The following TOM1L1 variants were observed in gnomAD, a reference collection of about 807,000 sequenced individuals.
TOM1L1 encodes the protein target of myb1 like 1 membrane trafficking protein, also known as TOM1-like protein 1.
A neutral mutation model predicts 63.4 loss-of-function variants in TOM1L1; 64 were observed. The ratio of observed to expected loss-of-function variants is 1.01; its 90% CI spans 0.83 to 1.24. The LOEUF is 1.24. TOM1L1 is among the 50% of genes most tolerant of loss of function. The probability of loss-of-function intolerance (pLI) is 0.00; values close to 1 mark genes in which losing one functional copy is unlikely to be tolerated. For missense variants in TOM1L1, 536 were observed against 567.0 expected (o/e 0.95, Z 0.55); for synonymous variants, 166 against 194.4 (o/e 0.85, Z 1.22).
chr17:54,935,860 T>C (rs1056382766), intron 8 of TOM1L1, among the ~76,000 whole-genome samples: 56 of 152,168 alleles, frequency 3.7e-4, no homozygotes, highest in Non-Finnish European at 7.8e-4. Context: ...CGGTGGCTCA[T>C]GCCTGTAATC....
At chr17:54,960,429 C>A in intron 14 of TOM1L1, 137 bp from the exon 15 acceptor site, 1 of 658,060 alleles carries the variant, frequency 1.5e-6, no homozygotes, top group South Asian at 1.8e-5. Flanking sequence ...CACTTCAGGG[C>A]AGAGACTTAT....
chr17:54,961,855 T>TC lies in TOM1L1; in HGVS notation c.*623dup. 1 of 968,204 alleles carries TC rather than the reference T, an allele frequency of 1.0e-6. No homozygotes were observed. Among genetic ancestry groups the TC allele is most frequent in the Non-Finnish European group, 1.2e-6 (1 of 814,164 alleles). The allele number at this position is 968,204 out of a possible 1,614,324, so 60.0% of individuals were successfully genotyped here. On this transcript the variant is annotated 3_prime_UTR_variant, in exon 16 of 16. Transcript: ENST00000575882. Reference sequence around the variant, plus strand: ...TTTGTAATGCTAAATAGCCTTTTTTTCTCTTTTTACTGCAACTTAATATTT... The same window carrying TC: ...TTTGTAATGCTAAATAGCCTTTTTTTCCTCTTTTTACTGCAACTTAATATTT...
chr17:54,926,664 A>C (rs1316033336), intron 7 of TOM1L1, among the ~76,000 whole-genome samples: 1 of 152,106 alleles, frequency 6.6e-6, no homozygotes, highest in Non-Finnish European at 1.5e-5. Flanking sequence ...AATCCTGAGA[A>C]TAGGAAAAAG....
chr17:54,915,114 T>G (rs1443205863), intron 6 of TOM1L1, among the ~76,000 whole-genome samples: 1 of 152,238 alleles, frequency 6.6e-6, no homozygotes, highest in Non-Finnish European at 1.5e-5. Context: ...CTTGTATTTA[T>G]TATGCCAACT....
chr17:54,939,921 T>C (rs1344709581), intron 11 of TOM1L1, among the ~76,000 whole-genome samples: 2 of 152,180 alleles, frequency 1.3e-5, no homozygotes, highest in Non-Finnish European at 2.9e-5. Context: ...AACTAGAACT[T>C]GCCCAAGTTT....
chr17:54,927,029 A>G (rs1368165154), intron 7 of TOM1L1, among the ~76,000 whole-genome samples: 2 of 152,228 alleles, frequency 1.3e-5, no homozygotes, highest in Non-Finnish European at 2.9e-5. Context: ...TGGAAAGAAG[A>G]GTTGGAAGGA....
chr17:54,939,121 C>G, intron 11 of TOM1L1, 101 bp downstream of exon 11: 1 of 782,858 alleles, frequency 1.3e-6, no homozygotes, highest in Middle Eastern at 2.4e-4. Context: ...CATCTGTAAT[C>G]CTAGCACTTT....
chr17:54,929,688 A>G (rs983065878), intron 7 of TOM1L1, among the ~76,000 whole-genome samples: 2 of 151,908 alleles, frequency 1.3e-5, no homozygotes, highest in Non-Finnish European at 2.9e-5. Context: ...TAGATGTGGC[A>G]AGGGGTATAA....
rs574596132 is a variant in TOM1L1, at chr17:54,933,926, G to A, written c.855-2723G>A. 8.5e-5 allele frequency among the ~76,000 whole-genome samples: 13 copies of A among 152,290 alleles called. No homozygotes were observed. In the South Asian group the frequency reaches 2.7e-3, roughly 32 times the overall value. On this transcript the variant is annotated intron_variant, in intron 8 of 15. Coordinates refer to ENST00000575882, the MANE Select transcript of TOM1L1 (RefSeq NM_005486.3). ...GAAAGGTGGGACAACTCAAAGCAGG[G>A]AAGGGGGCTTCCAGGTTATAAATAG...
rs770535717 is a variant in TOM1L1 at position 54,961,398 on chromosome 17, A to G, written c.*165A>G. 2.0e-4 allele frequency: 303 copies of G among 1,542,242 alleles called. No individual in the cohort carries two copies. Among genetic ancestry groups the G allele is most frequent in the Non-Finnish European group, 2.5e-4 (288 of 1,142,686 alleles). On this transcript the variant is annotated 3_prime_UTR_variant, in exon 16 of 16. Transcript: ENST00000575882. ...GATTAAATAGAATAACAGTTCCAGGATAACACTGATTCCTGACAACAGCGT... is the reference window on the plus strand; with the variant it reads ...GATTAAATAGAATAACAGTTCCAGGGTAACACTGATTCCTGACAACAGCGT...
rs558986527 is a variant in TOM1L1 at position 54,925,592 on chromosome 17, T to C, written c.721-4481T>C. Among the ~76,000 whole-genome samples the C allele has an allele frequency of 2.0e-5, 3 of 152,288 alleles. No individual in the cohort carries two copies. In the South Asian group the frequency reaches 6.2e-4, roughly 32 times the overall value. The stretch of plus-strand genomic sequence containing the variant: ...TACTTCACCAGTGACCACAGTCTTA[T>C]AGTATCAGTTTATTATAAAACCATC... On this transcript the variant is annotated intron_variant, in intron 7 of 15. Coordinates refer to ENST00000575882, the MANE Select transcript of TOM1L1 (RefSeq NM_005486.3).
chr17:54,937,096 G>C lies in TOM1L1; in HGVS notation c.916-13G>C. On this transcript the variant is annotated splice_polypyrimidine_tract_variant and intron_variant, in intron 9 of 15. Coordinates refer to ENST00000575882, the MANE Select transcript of TOM1L1 (RefSeq NM_005486.3). ...CTACATGACACTTTTTTTTTTTTTT[G>C]CTTTGTTTTCAGACTACCAGTGAGC... 2 of 1,223,056 alleles carry C rather than the reference G, an allele frequency of 1.6e-6. No homozygotes were observed. The highest frequency in any genetic ancestry group is 2.8e-5 in the Admixed American group (1 of 35,208). The allele number at this position is 1,223,056 out of a possible 1,614,324, so 75.8% of individuals were successfully genotyped here.
intron 14 of TOM1L1, chr17:54,954,477 G>A (rs2049392090): frequency 6.6e-6 from 1 of 152,266 alleles, no homozygotes; most frequent in South Asian, 2.1e-4. Context: ...AGTGCAACAG[G>A]GGCCTGCTAT....
intron 14 of TOM1L1, chr17:54,958,359 T>C (rs1158847152): frequency 1.3e-5 from 2 of 152,186 alleles, no homozygotes; most frequent in Non-Finnish European, 1.5e-5. Context: ...TTCAGTGCAT[T>C]TGAAAAGCAC....
intron 14 of TOM1L1, among the ~76,000 whole-genome samples, chr17:54,950,414 T>C (rs1208693259): frequency 3.9e-5 from 6 of 152,224 alleles, no homozygotes; most frequent in Admixed American, 2.0e-4. Context: ...TCATGTTCTC[T>C]TTAGCTTGAG....
At position 54,906,209 on chromosome 17, in the gene TOM1L1, CTGTAA is replaced by C. The variant is rs1452646857; in HGVS notation, c.222+644_222+648del. Among the ~76,000 whole-genome samples, 62 of 152,274 alleles carry C rather than the reference CTGTAA, an allele frequency of 4.1e-4. 1 individual carries two copies. In the East Asian group the frequency reaches 0.011, roughly 27 times the overall value. ...TGTGGCTGGGTACGGTGGCTCACAC[CTGTAA>C]TCCCAGCACTTCGGGAGGCCGAGGC... On this transcript the variant is annotated intron_variant, in intron 3 of 15. Transcript: ENST00000575882.
Position 54,920,007 on chromosome 17 carries a change from T to TTTATTTTA in TOM1L1, c.720+4147_720+4148insATTTTATT, listed in dbSNP as rs1555609072. On this transcript the variant is annotated intron_variant, in intron 7 of 15. Coordinates refer to ENST00000575882, the MANE Select transcript of TOM1L1 (RefSeq NM_005486.3). ...ATTGATTTATTTATTTATTTATTTA[T>TTTATTTTA]TTTATTTATTCATTTTTTCCCCCTC... is the stretch of plus-strand genomic sequence containing the variant. Among the ~76,000 whole-genome samples the TTTATTTTA allele has an allele frequency of 1.0e-4, 13 of 127,072 alleles. No individual in the cohort carries two copies. The South Asian group carries it at 3.5e-3, about 35-fold the overall frequency. The allele number at this position is 127,072 out of a possible 152,430, so 83.4% of individuals were successfully genotyped here.
At chr17:54,924,525 T>C (rs1454106901) in intron 7 of TOM1L1, among the ~76,000 whole-genome samples, 1 of 152,120 alleles carries the variant, frequency 6.6e-6, no homozygotes, top group Non-Finnish European at 1.5e-5. Flanking sequence ...ATTCTGATCT[T>C]AGCATGTTAC....
chr17:54,939,190 A>G (rs2048999126), intron 11 of TOM1L1, among the ~76,000 whole-genome samples, 170 bp downstream of exon 11: 1 of 152,228 alleles, frequency 6.6e-6, no homozygotes, highest in Admixed American at 6.5e-5. Flanking sequence ...CCTGGGCAAC[A>G]TGGCAAAACC....
Sources: gnomAD v4.1 joint callset for allele counts (sites outside exome capture counted in the v4.1 genomes callset) on GRCh38, gnomAD v4.1.1 for gene constraint, MANE v1.5 for transcripts, NCBI Gene and HGNC (gene_info 2026-07-23, HGNC 2026-07-21) for gene names.